The following SNTB2 variants were observed in gnomAD, a reference collection of about 807,000 sequenced individuals.
SNTB2 encodes beta-2-syntrophin.
SNTB2 carries 34 observed loss-of-function variants against 46.2 expected under a neutral mutation model. The ratio of observed to expected loss-of-function variants is 0.74; its 90% CI spans 0.56 to 0.98. The LOEUF is 0.98. Ranked by LOEUF, SNTB2 falls within the 50% of genes least tolerant of loss-of-function variation. SNTB2 has a pLI of 0.00. For missense variants in SNTB2, 603 were observed against 731.4 expected (o/e 0.82, Z 2.02); for synonymous variants, 290 against 312.6 (o/e 0.93, Z 0.76).
intron 5 of SNTB2, among the ~76,000 whole-genome samples, chr16:69,284,492 A>AAAAAAAGC (rs1965082105): frequency 2.1e-5 from 2 of 97,416 alleles, no homozygotes; most frequent in African/African-American, 8.8e-5. Flanking sequence ...AAAAAAAAAA[A>AAAAAAAGC]TCCGTGCACA....
intron 1 of SNTB2, among the ~76,000 whole-genome samples, chr16:69,209,866 A>G (rs1383780183): frequency 1.3e-5 from 2 of 152,130 alleles, no homozygotes; most frequent in Non-Finnish European, 2.9e-5. Context: ...TTTAAACTAT[A>G]TAGATCTTGT....
At chr16:69,299,860 GGACT>G in intron 6 of SNTB2, 86 bp downstream of exon 6, 1 of 1,356,956 alleles carries the variant, frequency 7.4e-7, no homozygotes, top group Non-Finnish European at 1.0e-6. Context: ...ACAAAGTCAT[GGACT>G]GACATTCCAT....
intron 1 of SNTB2, among the ~76,000 whole-genome samples, chr16:69,237,577 CT>C (rs926025846): frequency 1.5e-5 from 2 of 136,446 alleles, no homozygotes; most frequent in Admixed American, 7.3e-5. Context: ...GCCAGCATTT[CT>C]TTTTTTTTCT....
chr16:69,214,281 C>A (rs1032845234), intron 1 of SNTB2, among the ~76,000 whole-genome samples: 3 of 151,168 alleles, frequency 2.0e-5, no homozygotes, highest in African/African-American at 7.3e-5. Context: ...CAAGTGTGCA[C>A]CACCACGCCT....
At chr16:69,220,863 T>C (rs1964397056) in intron 1 of SNTB2, among the ~76,000 whole-genome samples, 1 of 152,126 alleles carries the variant, frequency 6.6e-6, no homozygotes, top group African/African-American at 2.4e-5. Context: ...GTATATACGG[T>C]CTATAACTGT....
intron 1 of SNTB2, among the ~76,000 whole-genome samples, chr16:69,219,868 A>G (rs1964383870): frequency 6.6e-6 from 1 of 151,916 alleles, no homozygotes; most frequent in Admixed American, 6.6e-5. Flanking sequence ...CTCCTGCCTC[A>G]GCCTCTCGAG....
At chr16:69,201,254 G>GT (rs1567395436) in intron 1 of SNTB2, among the ~76,000 whole-genome samples, 1 of 152,272 alleles carries the variant, frequency 6.6e-6, no homozygotes, top group East Asian at 1.9e-4. Context: ...CATTGAAATA[G>GT]TATTAATGTC....
intron 3 of SNTB2, among the ~76,000 whole-genome samples, chr16:69,262,892 T>G (rs1272863240): frequency 1.3e-5 from 2 of 151,990 alleles, no homozygotes; most frequent in African/African-American, 2.4e-5. Flanking sequence ...GCCAGGCTGG[T>G]GTTGAACTCT....
chr16:69,268,262 G>A (rs1212918293), intron 3 of SNTB2, among the ~76,000 whole-genome samples: 3 of 152,060 alleles, frequency 2.0e-5, no homozygotes, highest in Non-Finnish European at 2.9e-5. Flanking sequence ...TCAAGAGTTC[G>A]AGACCAGTAT....
chr16:69,280,787 G>A (rs1288900819), intron 4 of SNTB2, among the ~76,000 whole-genome samples: 1 of 151,126 alleles, frequency 6.6e-6, no homozygotes, highest in Non-Finnish European at 1.5e-5. Flanking sequence ...TCCGCAGCTT[G>A]TCTTTTCATT....
chr16:69,252,504 G>T lies in SNTB2; in HGVS notation c.794+6689G>T, dbSNP rs541232732. 1.1e-4 allele frequency among the ~76,000 whole-genome samples: 16 copies of T among 152,286 alleles called. No individual in the cohort carries two copies. In the East Asian group the frequency reaches 3.1e-3, roughly 29 times the overall value. ...ATGTAAATCCGTGTTCTTTGCATTG[G>T]TTCACAGTGCCTCAGTCATCTTCAC... On this transcript the variant is annotated intron_variant, in intron 2 of 6. Transcript: ENST00000336278.
chr16:69,282,248 G>A (rs1348385242), intron 4 of SNTB2, among the ~76,000 whole-genome samples: 1 of 149,226 alleles, frequency 6.7e-6, no homozygotes, highest in Non-Finnish European at 1.5e-5. Flanking sequence ...ATCACCTGAG[G>A]TCAGGAGTTT....
At chr16:69,262,069 A>T (rs1267519472) in intron 3 of SNTB2, among the ~76,000 whole-genome samples, 2 of 152,108 alleles carry the variant, frequency 1.3e-5, no homozygotes, top group African/African-American at 4.8e-5. Context: ...ATACAAAAAA[A>T]TGAGCTGGGT....
intron 1 of SNTB2, among the ~76,000 whole-genome samples, chr16:69,211,295 A>G (rs1964283692): frequency 1.3e-5 from 2 of 152,090 alleles, no homozygotes; most frequent in Non-Finnish European, 2.9e-5. Context: ...TTTTGAGTGT[A>G]TGTATTTAAG....
At chr16:69,246,981 TG>T (rs1479819175) in intron 2 of SNTB2, among the ~76,000 whole-genome samples, 3 of 150,362 alleles carry the variant, frequency 2.0e-5, no homozygotes, top group Middle Eastern at 6.9e-3. Context: ...CGCACCAGCA[TG>T]GCACATGTAT....
chr16:69,217,119 G>A (rs1302547944), intron 1 of SNTB2, among the ~76,000 whole-genome samples: 9 of 152,058 alleles, frequency 5.9e-5, no homozygotes, highest in Admixed American at 3.9e-4. Flanking sequence ...GTACGTTAAC[G>A]GTAAAGTAAT....
At chr16:69,215,464 A>G (rs537518293) in intron 1 of SNTB2, among the ~76,000 whole-genome samples, 1 of 152,194 alleles carries the variant, frequency 6.6e-6, no homozygotes, top group Non-Finnish European at 1.5e-5. Context: ...TCTCCTACTC[A>G]TTCCAGGTAC....
At chr16:69,282,466 T>C (rs1965059457) in intron 4 of SNTB2, among the ~76,000 whole-genome samples, 1 of 152,158 alleles carries the variant, frequency 6.6e-6, no homozygotes, top group South Asian at 2.1e-4. Flanking sequence ...TTTTGCCAGT[T>C]CCACACTGTT....
At chr16:69,188,421 G>A (rs1964016504) in intron 1 of SNTB2, among the ~76,000 whole-genome samples, 1 of 152,188 alleles carries the variant, frequency 6.6e-6, no homozygotes, top group Admixed American at 6.5e-5. Context: ...TCACAGGCGC[G>A]CTGCTTCAAG....
Sources: allele counts gnomAD v4.1 joint callset (sites outside exome capture counted in the v4.1 genomes callset), GRCh38; gene constraint gnomAD v4.1.1; transcripts MANE v1.5; gene names NCBI Gene and HGNC (gene_info 2026-07-23, HGNC 2026-07-21).